The following METTL25 variants were observed in gnomAD, a reference collection of about 807,000 sequenced individuals.
METTL25 encodes methyltransferase like 25, also known as probable methyltransferase-like protein 25.
METTL25 carries 64 observed loss-of-function variants against 71.6 expected under a neutral mutation model. That is an observed-to-expected ratio of 0.89 (90% CI 0.73 to 1.10). The LOEUF (loss-of-function observed/expected upper bound fraction) is 1.10, where lower values mean the gene tolerates loss of function less well. Among genes scored for constraint, METTL25 ranks in the 50% least tolerant of loss-of-function variants. The probability of loss-of-function intolerance (pLI) is 0.00; values close to 1 mark genes in which losing one functional copy is unlikely to be tolerated. For missense variants in METTL25, 807 were observed against 707.0 expected (o/e 1.14, Z -1.60); for synonymous variants, 287 against 250.3 (o/e 1.15, Z -1.38).
At chr12:82,461,677 A>G (rs1891887863) in intron 9 of METTL25, among the ~76,000 whole-genome samples, 1 of 147,644 alleles carries the variant, frequency 6.8e-6, no homozygotes, top group Non-Finnish European at 1.5e-5. Flanking sequence ...GTAATTCTAA[A>G]ACAGATTAAG....
chr12:82,479,112 A>G lies in METTL25; in HGVS notation c.*88A>G. The G allele has an allele frequency of 1.0e-6, 1 of 953,420 alleles. No individual in the cohort carries two copies. The highest frequency in any genetic ancestry group is 2.0e-5 in the Admixed American group (1 of 49,070). The allele number at this position is 953,420 out of a possible 1,614,324, so 59.1% of individuals were successfully genotyped here. The stretch of plus-strand genomic sequence containing the variant: ...CTAAACATATATGTCCTGTTATACA[A>G]AAATTTTTAAATGACTGTTATGTAT... On this transcript the variant is annotated 3_prime_UTR_variant, in exon 12 of 12. Coordinates refer to ENST00000248306, the MANE Select transcript of METTL25 (RefSeq NM_032230.3).
chr12:82,407,822 C>T, intron 5 of METTL25: 2 of 985,154 alleles, frequency 2.0e-6, no homozygotes, highest in Non-Finnish European at 2.4e-6. Context: ...TACAGTTTTG[C>T]CTAGCCCTGG....
chr12:82,382,742 G>A (rs921477377), intron 1 of METTL25, among the ~76,000 whole-genome samples: 3 of 151,826 alleles, frequency 2.0e-5, no homozygotes, highest in Non-Finnish European at 4.4e-5. Context: ...TTGACTCAGG[G>A]TCTTGCTCTG....
chr12:82,391,479 TAAC>T (rs1166298279), intron 3 of METTL25, among the ~76,000 whole-genome samples: 3 of 152,002 alleles, frequency 2.0e-5, no homozygotes, highest in Non-Finnish European at 4.4e-5. Flanking sequence ...TCCATAATCC[TAAC>T]TTTATTGAGA....
chr12:82,465,525 TG>T (rs764912400), intron 9 of METTL25, among the ~76,000 whole-genome samples: 22 of 151,976 alleles, frequency 1.4e-4, no homozygotes, highest in Non-Finnish European at 2.9e-4. Context: ...AATTTTTGTG[TG>T]TAATGTTTGT....
chr12:82,375,721 G>T (rs1461169325), intron 1 of METTL25, among the ~76,000 whole-genome samples: 1 of 152,184 alleles, frequency 6.6e-6, no homozygotes, highest in African/African-American at 2.4e-5. Context: ...TGAGAAGAAG[G>T]AATAGACAAC....
intron 1 of METTL25, among the ~76,000 whole-genome samples, chr12:82,371,770 A>G (rs1005521113): frequency 1.3e-5 from 2 of 151,932 alleles, no homozygotes; most frequent in Admixed American, 6.5e-5. Flanking sequence ...AGGGGAGTAT[A>G]TTTTCTTAAC....
chr12:82,400,043 G>A (rs1470514110), intron 4 of METTL25, among the ~76,000 whole-genome samples: 1 of 151,796 alleles, frequency 6.6e-6, no homozygotes, highest in Non-Finnish European at 1.5e-5. Context: ...GTATAAATAG[G>A]CTGAGTGCCG....
intron 5 of METTL25, among the ~76,000 whole-genome samples, chr12:82,410,289 T>C (rs193014289): frequency 6.3e-4 from 96 of 152,280 alleles, no homozygotes; most frequent in Non-Finnish European, 4.4e-5. Context: ...GTATGACTAA[T>C]GTCTTAGTCC....
intron 3 of METTL25, among the ~76,000 whole-genome samples, chr12:82,393,171 A>G (rs955318378): frequency 2.0e-5 from 3 of 151,998 alleles, no homozygotes; most frequent in African/African-American, 7.2e-5. Flanking sequence ...GCAGAATGTC[A>G]TTGATATTCT....
chr12:82,359,404 G>A (rs1385157480), intron 1 of METTL25, among the ~76,000 whole-genome samples: 1 of 152,164 alleles, frequency 6.6e-6, no homozygotes, highest in East Asian at 1.9e-4. Context: ...GGCAAGCAGA[G>A]GCCAGATGGC....
At chr12:82,422,159 G>C (rs999414904) in intron 5 of METTL25, among the ~76,000 whole-genome samples, 8 of 152,118 alleles carry the variant, frequency 5.3e-5, no homozygotes, top group African/African-American at 1.9e-4. Flanking sequence ...TAAAATACTG[G>C]CAACCCGAAT....
chr12:82,431,065 A>G (rs1164191068), intron 6 of METTL25, 78 bp downstream of exon 6: 5 of 840,512 alleles, frequency 5.9e-6, no homozygotes, highest in Non-Finnish European at 5.6e-6. Context: ...AGTATCATGC[A>G]TTCAATGCCA....
intron 1 of METTL25, among the ~76,000 whole-genome samples, chr12:82,361,330 A>G (rs1040876601): frequency 1.3e-5 from 2 of 152,144 alleles, no homozygotes; most frequent in Admixed American, 1.3e-4. Context: ...TCCCCACTAG[A>G]CTCAGGAGCC....
chr12:82,372,486 C>G (rs1372990841), intron 1 of METTL25, among the ~76,000 whole-genome samples: 2 of 152,162 alleles, frequency 1.3e-5, no homozygotes, highest in East Asian at 1.9e-4. Context: ...GTTGTGTATT[C>G]TCCTTCAATG....
At chr12:82,397,202 G>A (rs1170433233) in intron 3 of METTL25, among the ~76,000 whole-genome samples, 2 of 152,140 alleles carry the variant, frequency 1.3e-5, no homozygotes, top group East Asian at 3.9e-4. Context: ...TTTTACATCT[G>A]CGTACATCTC....
At chr12:82,361,545 G>A (rs1489697557) in intron 1 of METTL25, among the ~76,000 whole-genome samples, 8 of 152,202 alleles carry the variant, frequency 5.3e-5, no homozygotes, top group Admixed American at 5.2e-4. Flanking sequence ...GCGGGCTGCA[G>A]GTCTTGAGCC....
chr12:82,358,874 C>T (rs776185738), intron 1 of METTL25, 50 bp downstream of exon 1: 196 of 1,550,702 alleles, frequency 1.3e-4, no homozygotes, highest in Middle Eastern at 1.9e-4. Context: ...GAGAAGGTCC[C>T]GGCAGACGAA....
intron 1 of METTL25, among the ~76,000 whole-genome samples, chr12:82,362,189 A>G (rs1297670067): frequency 1.1e-4 from 17 of 152,144 alleles, no homozygotes; most frequent in Admixed American, 1.1e-3. Context: ...TTTCTTCTTC[A>G]TTGTTCGTCT....
Sources: gnomAD v4.1 joint callset for allele counts (sites outside exome capture counted in the v4.1 genomes callset) on GRCh38, gnomAD v4.1.1 for gene constraint, MANE v1.5 for transcripts, NCBI Gene and HGNC (gene_info 2026-07-23, HGNC 2026-07-21) for gene names.